CCDC178: variants seen among roughly 807,000 people sequenced by gnomAD.
The protein encoded by CCDC178 is coiled-coil domain containing 178.
In CCDC178, 126 loss-of-function variants were observed where a neutral mutation model predicts 117.4. That is an observed-to-expected ratio of 1.07 (90% CI 0.93 to 1.24). The LOEUF (loss-of-function observed/expected upper bound fraction) is 1.24. CCDC178 is among the 50% of genes most tolerant of loss of function. The probability of loss-of-function intolerance (pLI) is 0.00; values close to 1 mark genes in which losing one functional copy is unlikely to be tolerated. For missense variants in CCDC178, 1,030 were observed against 986.9 expected (o/e 1.04, Z -0.59); for synonymous variants, 283 against 313.4 (o/e 0.90, Z 1.02).
rs1942456429 is a variant in CCDC178 at position 33,089,752 on chromosome 18, A to C, written c.2388+3009T>G. On this transcript the variant is annotated intron_variant, in intron 21 of 22. Coordinates refer to ENST00000383096, the MANE Select transcript of CCDC178 (RefSeq NM_001105528.4). ...ATTAAAACAAATACATGGTGACTTC[A>C]TCAAAATACCCATGGACTTTTTTTA... 2.6e-5 allele frequency among the ~76,000 whole-genome samples: 4 copies of C among 152,348 alleles called. No homozygotes were observed. The South Asian group carries it at 8.3e-4, about 32-fold the overall frequency.
intron 20 of CCDC178, among the ~76,000 whole-genome samples, chr18:33,188,150 A>G (rs1264704505): frequency 1.3e-5 from 2 of 151,588 alleles, no homozygotes; most frequent in African/African-American, 2.4e-5. Flanking sequence ...AGACAATGTG[A>G]TAAAATGGTG....
At chr18:33,352,078 G>T (rs1479719695) in intron 7 of CCDC178, among the ~76,000 whole-genome samples, 2 of 152,066 alleles carry the variant, frequency 1.3e-5, no homozygotes, top group East Asian at 1.9e-4. Flanking sequence ...GGAAATTTTT[G>T]ATTATTGATT....
At chr18:32,964,369 A>G (rs553820835) in intron 22 of CCDC178, among the ~76,000 whole-genome samples, 26 of 151,996 alleles carry the variant, frequency 1.7e-4, no homozygotes, top group Non-Finnish European at 1.2e-4. Context: ...ATTTTATTAC[A>G]TTATATGACT....
intron 20 of CCDC178, among the ~76,000 whole-genome samples, chr18:33,178,252 C>T (rs2058687020): frequency 6.6e-6 from 1 of 152,130 alleles, no homozygotes; most frequent in Non-Finnish European, 1.5e-5. Context: ...AAACCTGAGA[C>T]TTATCCTCAA....
At chr18:33,340,159 T>C (rs1207404716) in intron 9 of CCDC178, among the ~76,000 whole-genome samples, 1 of 152,096 alleles carries the variant, frequency 6.6e-6, no homozygotes, top group Non-Finnish European at 1.5e-5. Context: ...GATAAGAAAC[T>C]TGTTGGGAAC....
chr18:33,307,740 C>T (rs747360124), intron 11 of CCDC178, among the ~76,000 whole-genome samples: 6 of 152,186 alleles, frequency 3.9e-5, no homozygotes, highest in Non-Finnish European at 8.8e-5. Context: ...GGATGTGGTG[C>T]CCTGCATCCC....
intron 20 of CCDC178, among the ~76,000 whole-genome samples, chr18:33,191,995 A>G (rs2058864410): frequency 6.6e-6 from 1 of 152,184 alleles, no homozygotes. Flanking sequence ...ATATGATAGA[A>G]ACTGATAATG....
At position 33,215,695 on chromosome 18, in the gene CCDC178, T is replaced by G. The variant is rs1316495015; in HGVS notation, c.1933A>C (p.Ser645Arg). The G allele has an allele frequency of 6.6e-7, 1 of 1,512,730 alleles. No homozygotes were observed. The highest frequency in any genetic ancestry group is 1.3e-5 in the South Asian group (1 of 76,552). 93.7% of individuals were successfully genotyped at this position (1,512,730 alleles called of 1,614,324 possible). ...TCTTTAAAAATTGCTGAGCGTTTAC[T>G]CTGAAAAAAAATATACACAAGTGTT... Reference protein sequence around the residue: ...KTLDALIETESKRSAIFKDLE... With the variant: ...KTLDALIETERKRSAIFKDLE... The change falls in exon 19 of 23, where the codon AGT becomes CGT. Residue 645 changes from serine to arginine, a missense_variant and splice_region_variant. Coordinates refer to ENST00000383096, the MANE Select transcript of CCDC178 (RefSeq NM_001105528.4).
intron 2 of CCDC178, among the ~76,000 whole-genome samples, chr18:33,419,994 G>A (rs900837213): frequency 3.3e-5 from 5 of 151,124 alleles, no homozygotes; most frequent in South Asian, 2.1e-4. Flanking sequence ...ACATGTACAC[G>A]TATGTTCATT....
At chr18:33,087,044 A>G (rs1054908637) in intron 21 of CCDC178, among the ~76,000 whole-genome samples, 7 of 151,716 alleles carry the variant, frequency 4.6e-5, no homozygotes, top group African/African-American at 1.7e-4. Context: ...ACACACACAC[A>G]CACACACACA....
chr18:33,071,403 A>C (rs564329632), intron 21 of CCDC178, among the ~76,000 whole-genome samples: 2 of 152,280 alleles, frequency 1.3e-5, no homozygotes, highest in Non-Finnish European at 2.9e-5. Context: ...ATGTATTTTT[A>C]AAGAGGTTAA....
chr18:33,229,713 G>A (rs945135353), intron 15 of CCDC178, among the ~76,000 whole-genome samples: 2 of 152,126 alleles, frequency 1.3e-5, no homozygotes, highest in African/African-American at 4.8e-5. Context: ...TGACTCTCAT[G>A]TGCCCCTTTT....
intron 21 of CCDC178, among the ~76,000 whole-genome samples, chr18:33,040,761 C>T (rs566857544): frequency 6.6e-6 from 1 of 151,990 alleles, no homozygotes; most frequent in South Asian, 2.1e-4. Context: ...AATTGTTCCC[C>T]TAGTATCAAA....
chr18:33,032,220 A>C (rs1267940450), intron 21 of CCDC178, among the ~76,000 whole-genome samples: 1 of 151,682 alleles, frequency 6.6e-6, no homozygotes, highest in African/African-American at 2.4e-5. Context: ...TGTGTGTAGA[A>C]CTGAGATCCT....
intron 21 of CCDC178, among the ~76,000 whole-genome samples, chr18:33,087,604 T>G (rs1164422524): frequency 2.4e-4 from 31 of 129,196 alleles, no homozygotes; most frequent in Admixed American, 1.9e-3. Flanking sequence ...GTGTGTGTGT[T>G]TGCATGTCCA....
At chr18:33,025,369 TA>T (rs1437733405) in intron 21 of CCDC178, among the ~76,000 whole-genome samples, 1 of 152,062 alleles carries the variant, frequency 6.6e-6, no homozygotes, top group Non-Finnish European at 1.5e-5. Flanking sequence ...TCCAAAAACA[TA>T]ATGTATAGAA....
chr18:32,960,149 A>G (rs1201871469), intron 22 of CCDC178, among the ~76,000 whole-genome samples: 2 of 152,098 alleles, frequency 1.3e-5, no homozygotes, highest in Non-Finnish European at 2.9e-5. Flanking sequence ...TTTATCTTAG[A>G]TATCAATATA....
At position 33,306,115 on chromosome 18, in the gene CCDC178, C is replaced by T. The variant is rs926353305; in HGVS notation, c.1023-12803G>A. Among the ~76,000 whole-genome samples, 69 of 152,102 alleles carry T rather than the reference C, an allele frequency of 4.5e-4. 1 individual carries two copies. Among genetic ancestry groups the T allele is most frequent in the Admixed American group, 4.5e-3 (69 of 15,264 alleles). On this transcript the variant is annotated intron_variant, in intron 11 of 22. Transcript: ENST00000383096. ...TTGAATCTGCTGTTATTAAGTTGCTCGTCCTAAGACTTATTCTTTATGATC... is the reference window on the plus strand; with the variant it reads ...TTGAATCTGCTGTTATTAAGTTGCTTGTCCTAAGACTTATTCTTTATGATC...
At chr18:33,015,265 A>G (rs2055959471) in intron 21 of CCDC178, among the ~76,000 whole-genome samples, 1 of 133,894 alleles carries the variant, frequency 7.5e-6, no homozygotes, top group African/African-American at 3.2e-5. Context: ...CAAAAGAAGA[A>G]AAAAAAAAAA....
Sources: gnomAD v4.1 joint callset for allele counts (sites outside exome capture counted in the v4.1 genomes callset) on GRCh38, gnomAD v4.1.1 for gene constraint, MANE v1.5 for transcripts, NCBI Gene and HGNC (gene_info 2026-07-23, HGNC 2026-07-21) for gene names.